The following PLPP4 variants were observed in gnomAD, a reference collection of about 807,000 sequenced individuals.
PLPP4 encodes the protein diacylglycerol pyrophosphate like 2.
A neutral mutation model predicts 32.2 loss-of-function variants in PLPP4; 20 were observed. That is an observed-to-expected ratio of 0.62 (90% confidence interval 0.44 to 0.90). The LOEUF (loss-of-function observed/expected upper bound fraction) is 0.90, where lower values mean the gene tolerates loss of function less well. PLPP4 is among the 40% of genes least tolerant of loss of function. PLPP4 has a pLI of 0.00. For missense variants in PLPP4, 257 were observed against 353.1 expected (o/e 0.73, Z 2.18); for synonymous variants, 127 against 133.0 (o/e 0.95, Z 0.31).
At chr10:120,548,413 TC>T (rs1847735540) in intron 5 of PLPP4, among the ~76,000 whole-genome samples, 2 of 152,192 alleles carry the variant, frequency 1.3e-5, no homozygotes, top group Admixed American at 1.3e-4. Context: ...ATGATCTCAT[TC>T]TTTTTCATGG....
chr10:120,476,029 G>A (rs375761066), intron 1 of PLPP4, among the ~76,000 whole-genome samples: 3 of 152,164 alleles, frequency 2.0e-5, no homozygotes, highest in East Asian at 3.9e-4. Flanking sequence ...CCAGGCCCAG[G>A]GAACATGGAG....
chr10:120,586,652 T>TA, intron 6 of PLPP4, among the ~76,000 whole-genome samples: 1 of 152,194 alleles, frequency 6.6e-6, no homozygotes. Flanking sequence ...AACCCTGAGT[T>TA]ACTATGTATC....
At chr10:120,513,637 A>G (rs921419105) in intron 2 of PLPP4, among the ~76,000 whole-genome samples, 5 of 152,194 alleles carry the variant, frequency 3.3e-5, no homozygotes, top group African/African-American at 9.7e-5. Flanking sequence ...ATTATAGACT[A>G]TTCTTTTCCA....
chr10:120,587,226 G>A (rs1258055294), intron 6 of PLPP4: 2 of 152,274 alleles, frequency 1.3e-5, no homozygotes, highest in Admixed American at 1.3e-4. Context: ...ATGCAGCCTT[G>A]AATGACACAG....
chr10:120,509,589 C>T (rs558282114), intron 2 of PLPP4, among the ~76,000 whole-genome samples: 2 of 152,272 alleles, frequency 1.3e-5, no homozygotes, highest in East Asian at 1.9e-4. Flanking sequence ...AGGGAATCAC[C>T]GAGATTCAGG....
rs767929428 is a variant in PLPP4 at position 120,520,958 on chromosome 10, G to T, written c.321-13G>T. On this transcript the variant is annotated splice_polypyrimidine_tract_variant and intron_variant, in intron 4 of 6. Transcript: ENST00000398250. ...GCATTTTATATTGAAAATGTCCATG[G>T]TGTCTTTTGTAGACCTCGCCCCGAT... 2.5e-6 allele frequency: 4 copies of T among 1,613,876 alleles called. No individual in the cohort carries two copies. The highest frequency in any genetic ancestry group is 2.7e-5 in the African/African-American group (2 of 74,888).
intron 5 of PLPP4, 119 bp from the exon 6 acceptor site, chr10:120,575,011 TG>T: frequency 1.0e-6 from 1 of 976,324 alleles, no homozygotes; most frequent in Non-Finnish European, 1.6e-6. Context: ...AGATAGTGCC[TG>T]GTGCCAACAT....
At chr10:120,542,769 C>T (rs1180140615) in intron 5 of PLPP4, among the ~76,000 whole-genome samples, 2 of 152,134 alleles carry the variant, frequency 1.3e-5, no homozygotes, top group East Asian at 3.9e-4. Flanking sequence ...ATCTCTAAAC[C>T]CACTGCAGAG....
chr10:120,516,126 G>GT (rs765378707), intron 3 of PLPP4, among the ~76,000 whole-genome samples: 14 of 151,582 alleles, frequency 9.2e-5, no homozygotes, highest in East Asian at 1.9e-4. Flanking sequence ...GTGTGTAGAG[G>GT]TTTTTTTTTC....
intron 6 of PLPP4, among the ~76,000 whole-genome samples, chr10:120,582,471 T>A (rs1849553924): frequency 6.6e-6 from 1 of 152,314 alleles, no homozygotes; most frequent in Non-Finnish European, 1.5e-5. Flanking sequence ...GGGCCCACCC[T>A]GATTATCATA....
At chr10:120,496,860 TGAGA>T (rs139413628) in intron 1 of PLPP4, among the ~76,000 whole-genome samples, 5 of 144,242 alleles carry the variant, frequency 3.5e-5, no homozygotes, top group Non-Finnish European at 6.1e-5. Flanking sequence ...AGCATGGGAG[TGAGA>T]GAGAGAGAGA....
At chr10:120,527,214 C>A (rs1246714047) in intron 5 of PLPP4, among the ~76,000 whole-genome samples, 2 of 152,108 alleles carry the variant, frequency 1.3e-5, no homozygotes, top group Non-Finnish European at 1.5e-5. Flanking sequence ...TAGTGGCTGG[C>A]AAGTCTGAAA....
chr10:120,495,998 G>A (rs1324040751), intron 1 of PLPP4, among the ~76,000 whole-genome samples: 1 of 152,156 alleles, frequency 6.6e-6, no homozygotes, highest in Admixed American at 6.5e-5. Context: ...CTTTTTTCAA[G>A]CTACCCTGCC....
intron 1 of PLPP4, among the ~76,000 whole-genome samples, chr10:120,471,198 G>A (rs898561462): frequency 1.3e-5 from 2 of 152,146 alleles, no homozygotes; most frequent in South Asian, 4.1e-4. Flanking sequence ...TAATTTGAAG[G>A]TATGCTATCT....
chr10:120,478,062 G>T (rs1564783760), intron 1 of PLPP4, among the ~76,000 whole-genome samples: 1 of 152,198 alleles, frequency 6.6e-6, no homozygotes, highest in Non-Finnish European at 1.5e-5. Context: ...CAGATCCCTG[G>T]AATGGGTGGC....
chr10:120,553,463 C>T (rs541455151), intron 5 of PLPP4, among the ~76,000 whole-genome samples: 1 of 152,314 alleles, frequency 6.6e-6, no homozygotes, highest in South Asian at 2.1e-4. Flanking sequence ...CACTAGACAT[C>T]AAATCTGCCT....
intron 1 of PLPP4, among the ~76,000 whole-genome samples, chr10:120,490,042 T>TGAG (rs1168478888): frequency 6.6e-6 from 1 of 152,214 alleles, no homozygotes; most frequent in African/African-American, 2.4e-5. Flanking sequence ...CCATTCTGCC[T>TGAG]GAGGCCACTG....
chr10:120,585,345 G>A (rs1034789229), intron 6 of PLPP4, among the ~76,000 whole-genome samples: 2 of 152,148 alleles, frequency 1.3e-5, no homozygotes, highest in Non-Finnish European at 2.9e-5. Flanking sequence ...GGTGACAAAC[G>A]TGTTTTTAAG....
At chr10:120,551,388 G>T (rs1847896385) in intron 5 of PLPP4, among the ~76,000 whole-genome samples, 1 of 152,052 alleles carries the variant, frequency 6.6e-6, no homozygotes, top group African/African-American at 2.4e-5. Flanking sequence ...ATTTGCCCAA[G>T]AGAAATAAAA....
Sources: gnomAD v4.1 joint callset for allele counts (sites outside exome capture counted in the v4.1 genomes callset) on GRCh38, gnomAD v4.1.1 for gene constraint, MANE v1.5 for transcripts, NCBI Gene and HGNC (gene_info 2026-07-23, HGNC 2026-07-21) for gene names.